The following HIVEP3 variants were observed in gnomAD, a reference collection of about 807,000 sequenced individuals.
The protein encoded by HIVEP3 is HIVEP zinc finger 3, also known as transcription factor HIVEP3.
In HIVEP3, 49 loss-of-function variants were observed where a neutral mutation model predicts 152.8. That is an observed-to-expected ratio of 0.32 (90% CI 0.26 to 0.41). The LOEUF is 0.41. HIVEP3 is among the 10% of genes least tolerant of loss of function. The probability of loss-of-function intolerance (pLI) is 1.00; values close to 1 mark genes in which losing one functional copy is unlikely to be tolerated. For missense variants in HIVEP3, 2,790 were observed against 3,103.3 expected, an observed-to-expected ratio of 0.90 and a Z score of 2.40; for synonymous variants, 1,269 against 1,289.0, an observed-to-expected ratio of 0.98 and a Z score of 0.33.
At chr1:41,556,702 T>C (rs1442119195) in intron 5 of HIVEP3, among the ~76,000 whole-genome samples, 1 of 152,238 alleles carries the variant, frequency 6.6e-6, no homozygotes, top group Non-Finnish European at 1.5e-5. Context: ...CAAGAAATCA[T>C]TGCCAAATCC....
At chr1:41,673,128 C>T (rs908243814) in intron 2 of HIVEP3, among the ~76,000 whole-genome samples, 1 of 152,184 alleles carries the variant, frequency 6.6e-6, no homozygotes, top group African/African-American at 2.4e-5. Context: ...TCTTCTCCCC[C>T]ACCAAATGGG....
intron 3 of HIVEP3, among the ~76,000 whole-genome samples, chr1:41,627,165 A>C (rs1358631465): frequency 1.3e-5 from 2 of 152,218 alleles, no homozygotes; most frequent in East Asian, 3.9e-4. Flanking sequence ...GTGGTGGCCC[A>C]ACTGCCCACA....
intron 1 of HIVEP3, among the ~76,000 whole-genome samples, chr1:41,757,292 T>C (rs1243831918): frequency 6.6e-6 from 1 of 151,890 alleles, no homozygotes; most frequent in African/African-American, 2.4e-5. Context: ...ATTTTTTTTG[T>C]ATTTTTAGTA....
chr1:41,818,287 G>A (rs886838375), intron 1 of HIVEP3, among the ~76,000 whole-genome samples: 1 of 152,144 alleles, frequency 6.6e-6, no homozygotes, highest in African/African-American at 2.4e-5. Context: ...ACTCCCACAG[G>A]TAAATATTAA....
chr1:41,946,650 T>C (rs970737107), intron 1 of HIVEP3, among the ~76,000 whole-genome samples: 1 of 152,112 alleles, frequency 6.6e-6, no homozygotes, highest in African/African-American at 2.4e-5. Context: ...AACACCCATT[T>C]GCTGTCCCCT....
At chr1:41,569,392 T>A (rs1644219426) in intron 5 of HIVEP3, among the ~76,000 whole-genome samples, 1 of 152,186 alleles carries the variant, frequency 6.6e-6, no homozygotes, top group Non-Finnish European at 1.5e-5. Flanking sequence ...TTAGAGTGGC[T>A]TACTGACTTT....
chr1:41,576,540 A>G (rs904841362), intron 4 of HIVEP3, among the ~76,000 whole-genome samples: 3 of 152,162 alleles, frequency 2.0e-5, no homozygotes, highest in African/African-American at 7.2e-5. Context: ...GGGAGTGAGA[A>G]TTTCCTCCTA....
chr1:41,711,438 C>T (rs138313471), intron 1 of HIVEP3, among the ~76,000 whole-genome samples: 13 of 152,280 alleles, frequency 8.5e-5, no homozygotes, highest in East Asian at 1.9e-4. Flanking sequence ...CTAAGGAGCA[C>T]GGTGAAAAAG....
chr1:41,577,666 T>C (rs1644346961), intron 4 of HIVEP3, among the ~76,000 whole-genome samples: 2 of 152,186 alleles, frequency 1.3e-5, no homozygotes, highest in South Asian at 4.1e-4. Flanking sequence ...AATGCTAAGA[T>C]AGACCTAAGG....
At chr1:41,671,581 T>C (rs1645876911) in intron 2 of HIVEP3, among the ~76,000 whole-genome samples, 1 of 152,190 alleles carries the variant, frequency 6.6e-6, no homozygotes, top group Non-Finnish European at 1.5e-5. Flanking sequence ...TCCTATAGCT[T>C]CCATCTTGGA....
intron 5 of HIVEP3, among the ~76,000 whole-genome samples, chr1:41,562,601 T>TTCTC (rs72509109): frequency 0.014 from 1,749 of 126,170 alleles, 40 homozygotes; most frequent in African/African-American, 0.046. Context: ...CTTCCTTTCT[T>TTCTC]TCTCTCTCTC....
intron 1 of HIVEP3, among the ~76,000 whole-genome samples, chr1:41,968,387 T>C (rs747768114): frequency 7.9e-5 from 12 of 152,208 alleles, no homozygotes; most frequent in African/African-American, 1.9e-4. Flanking sequence ...ATCCCCAGCA[T>C]GCAAGGCTGG....
rs1308506079 is a variant in HIVEP3, at chr1:41,562,641, C to CTT, written c.5207+12902_5207+12903insAA. 1.6e-3 allele frequency among the ~76,000 whole-genome samples: 219 copies of CTT among 134,476 alleles called. 3 individuals carry two copies. The highest frequency in any genetic ancestry group is 7.3e-3 in the Middle Eastern group (2 of 274). 88.2% of individuals were successfully genotyped at this position (134,476 alleles called of 152,430 possible). ...TCTCTCTCTCTCTCTCTCCCTCTCT[C>CTT]TCTCTTTCTTTCTTTCTTTCTTTTC... On this transcript the variant is annotated intron_variant, in intron 5 of 8. Transcript: ENST00000372583.
intron 1 of HIVEP3, among the ~76,000 whole-genome samples, chr1:41,889,736 T>C (rs1280500860): frequency 1.3e-5 from 2 of 152,136 alleles, no homozygotes; most frequent in Admixed American, 6.6e-5. Flanking sequence ...TGCAGAGCAG[T>C]TGTGGATGGA....
At chr1:41,877,312 G>A (rs1247852132) in intron 1 of HIVEP3, among the ~76,000 whole-genome samples, 1 of 152,182 alleles carries the variant, frequency 6.6e-6, no homozygotes, top group Admixed American at 6.5e-5. Context: ...TCAGGCTGCT[G>A]CTGTCACTCA....
Position 41,513,508 on chromosome 1 carries a change from C to CA in HIVEP3, c.5712dup (p.Ala1905CysfsTer18). The CA allele has an allele frequency of 6.3e-7, 1 of 1,595,890 alleles. No homozygotes were observed. Among genetic ancestry groups the CA allele is most frequent in the Non-Finnish European group, 8.5e-7 (1 of 1,172,212 alleles). On this transcript the variant is annotated frameshift_variant, in exon 8 of 9. Transcript: ENST00000372583. LOFTEE classifies it high-confidence loss of function. Reference sequence around the variant, plus strand: ...GTAGCCTCCGTGCCAGAGGCGGGGGCATCTGGGGGCTGAGGGCCCAGGATG... The same window carrying CA: ...GTAGCCTCCGTGCCAGAGGCGGGGGCAATCTGGGGGCTGAGGGCCCAGGATG...
At chr1:41,931,367 C>CT (rs1321231190) in intron 1 of HIVEP3, among the ~76,000 whole-genome samples, 1 of 152,018 alleles carries the variant, frequency 6.6e-6, no homozygotes, top group Non-Finnish European at 1.5e-5. Flanking sequence ...GTTGAAAAGA[C>CT]TATCATTTCT....
At chr1:41,699,555 T>G (rs759596865) in intron 2 of HIVEP3, among the ~76,000 whole-genome samples, 3 of 152,138 alleles carry the variant, frequency 2.0e-5, no homozygotes, top group Non-Finnish European at 4.4e-5. Flanking sequence ...CCTATTGTCC[T>G]TCAGGGGTAG....
intron 5 of HIVEP3, among the ~76,000 whole-genome samples, chr1:41,565,478 A>G (rs1644146641): frequency 6.6e-6 from 1 of 152,092 alleles, no homozygotes; most frequent in African/African-American, 2.4e-5. Context: ...CTATGGAAAT[A>G]TTTGACTCTT....
Sources: gnomAD v4.1 joint callset for allele counts (sites outside exome capture counted in the v4.1 genomes callset) on GRCh38, gnomAD v4.1.1 for gene constraint, MANE v1.5 for transcripts, NCBI Gene and HGNC (gene_info 2026-07-23, HGNC 2026-07-21) for gene names.